Variants in CGNL1 observed in about 807,000 individuals in gnomAD.
CGNL1 encodes the protein cingulin like 1.
Under a neutral mutation model 141.2 loss-of-function variants are expected in CGNL1, and 132 were observed. The ratio of observed to expected loss-of-function variants is 0.93; its 90% CI spans 0.81 to 1.08. The LOEUF is 1.08. CGNL1 is among the 50% of genes least tolerant of loss of function. The probability of loss-of-function intolerance (pLI) is 0.00; values close to 1 mark genes in which losing one functional copy is unlikely to be tolerated. For synonymous variants in CGNL1, 690 were observed against 622.1 expected, an observed-to-expected ratio of 1.11 and a Z score of -1.63; for missense variants, 1,870 against 1,588.6, an observed-to-expected ratio of 1.18 and a Z score of -3.01.
intron 1 of CGNL1, among the ~76,000 whole-genome samples, chr15:57,393,226 C>T (rs1401224426): frequency 3.3e-5 from 5 of 152,114 alleles, no homozygotes; most frequent in Admixed American, 6.6e-5. Context: ...AACTTTTGTA[C>T]CCTTGGGTTT....
chr15:57,528,293 C>G (rs1338616048), intron 12 of CGNL1, among the ~76,000 whole-genome samples: 1 of 152,020 alleles, frequency 6.6e-6, no homozygotes, highest in Non-Finnish European at 1.5e-5. Context: ...ATCTTGCAAC[C>G]CAGGAATACA....
intron 14 of CGNL1, among the ~76,000 whole-genome samples, chr15:57,533,997 C>A (rs62000315): frequency 6.6e-6 from 1 of 151,994 alleles, no homozygotes; most frequent in Admixed American, 6.5e-5. Flanking sequence ...GTCCCAGCCT[C>A]TCTGAGCTCA....
chr15:57,453,032 T>C (rs539081032), intron 6 of CGNL1, among the ~76,000 whole-genome samples: 23 of 152,254 alleles, frequency 1.5e-4, no homozygotes, highest in African/African-American at 5.1e-4. Context: ...TCAGAAAATA[T>C]AGGGTATAGT....
Position 57,514,747 on chromosome 15 carries a change from G to A in CGNL1, c.2404-2033G>A, listed in dbSNP as rs552467871. On this transcript the variant is annotated intron_variant, in intron 8 of 18. Coordinates refer to ENST00000281282, the MANE Select transcript of CGNL1 (RefSeq NM_032866.5). Reference sequence around the variant, plus strand: ...TTATAGTTTTAGATCCTACATTTGGGCCTATGATCCATTTTGAGTTAACTT... The same window carrying A: ...TTATAGTTTTAGATCCTACATTTGGACCTATGATCCATTTTGAGTTAACTT... Among the ~76,000 whole-genome samples, 4 of 152,032 alleles carry A rather than the reference G, an allele frequency of 2.6e-5. 1 individual carries two copies. The South Asian group carries it at 6.2e-4, about 24-fold the overall frequency.
At chr15:57,419,974 C>T (rs2062895143) in intron 1 of CGNL1, among the ~76,000 whole-genome samples, 1 of 152,168 alleles carries the variant, frequency 6.6e-6, no homozygotes, top group South Asian at 2.1e-4. Context: ...AGTGTGGATT[C>T]ATGGATATTT....
At chr15:57,383,417 G>T (rs905637898) in intron 1 of CGNL1, among the ~76,000 whole-genome samples, 2 of 150,416 alleles carry the variant, frequency 1.3e-5, no homozygotes, top group Non-Finnish European at 2.9e-5. Flanking sequence ...TCCTGCCTCA[G>T]CCTACTGAGT....
intron 14 of CGNL1, among the ~76,000 whole-genome samples, chr15:57,542,151 A>G (rs1208812909): frequency 6.6e-6 from 1 of 152,200 alleles, no homozygotes; most frequent in Non-Finnish European, 1.5e-5. Context: ...CATGGGGGAC[A>G]GTGAGGAAGG....
chr15:57,512,806 A>T (rs2030432014), intron 8 of CGNL1, among the ~76,000 whole-genome samples: 1 of 152,120 alleles, frequency 6.6e-6, no homozygotes, highest in Admixed American at 6.5e-5. Flanking sequence ...TCTTTGCTTT[A>T]CTGAAAGCTT....
At position 57,523,552 on chromosome 15, in the gene CGNL1, G is replaced by T. The variant is rs1180503082; in HGVS notation, c.2779G>T (p.Glu927Ter). The change falls in exon 11 of 19, where the codon GAG becomes TAG. Residue 927 changes from glutamate (E) to a stop codon, truncating the protein, a stop_gained. Coordinates refer to ENST00000281282, the MANE Select transcript of CGNL1 (RefSeq NM_032866.5). LOFTEE classifies it high-confidence loss of function. ...GTCTGAGAAGCTCAAAGAGGAGAGT[G>T]AGCAGAAGGAGCAGCTAAGAAGGTT... Reference protein sequence around the residue: ...QLSEKLKEESEQKEQLRRLKN... With the variant: ...QLSEKLKEES 1 of 1,614,192 alleles carries T rather than the reference G, an allele frequency of 6.2e-7. No individual in the cohort carries two copies. Among genetic ancestry groups the T allele is most frequent in the Non-Finnish European group, 8.5e-7 (1 of 1,180,010 alleles).
rs996251695 is a variant in CGNL1 at position 57,465,695 on chromosome 15, A to G, written c.2403+3803A>G. On this transcript the variant is annotated intron_variant, in intron 8 of 18. Coordinates refer to ENST00000281282, the MANE Select transcript of CGNL1 (RefSeq NM_032866.5). ...TTTAAGAAATTTTATTGCATTAAAAAGTTTATTACTTCAATAGGTCTTATG... is the reference window on the plus strand; with the variant it reads ...TTTAAGAAATTTTATTGCATTAAAAGGTTTATTACTTCAATAGGTCTTATG... Among the ~76,000 whole-genome samples the G allele has an allele frequency of 7.9e-5, 12 of 152,288 alleles. No individual in the cohort carries two copies. In the South Asian group the frequency reaches 1.7e-3, roughly 21 times the overall value.
chr15:57,475,492 GGTGT>G (rs72168222), intron 8 of CGNL1, among the ~76,000 whole-genome samples: 10,012 of 147,750 alleles, frequency 0.068, 356 homozygotes, highest in South Asian at 0.11. Context: ...ATACAAGTGT[GGTGT>G]GTGTGTGTGT....
At chr15:57,396,626 CA>C (rs1271363366) in intron 1 of CGNL1, among the ~76,000 whole-genome samples, 1 of 152,102 alleles carries the variant, frequency 6.6e-6, no homozygotes, top group Non-Finnish European at 1.5e-5. Context: ...TCTTTGAGTA[CA>C]TTTCTAGGTC....
intron 4 of CGNL1, among the ~76,000 whole-genome samples, chr15:57,448,291 G>C (rs1381036056): frequency 6.6e-6 from 1 of 151,748 alleles, no homozygotes; most frequent in Admixed American, 6.6e-5. Flanking sequence ...TTCAGATATT[G>C]TGTACTGCTG....
intron 8 of CGNL1, among the ~76,000 whole-genome samples, chr15:57,471,481 C>A (rs1451059575): frequency 2.6e-5 from 4 of 152,190 alleles, no homozygotes; most frequent in African/African-American, 9.7e-5. Flanking sequence ...GGGCTGATAC[C>A]CAGGGCACCT....
chr15:57,501,467 G>T (rs1384607998), intron 8 of CGNL1, among the ~76,000 whole-genome samples: 2 of 152,222 alleles, frequency 1.3e-5, no homozygotes, highest in Non-Finnish European at 2.9e-5. Flanking sequence ...CTGTCCTCAG[G>T]GGGTGCAACC....
At chr15:57,413,678 A>T (rs1447269362) in intron 1 of CGNL1, among the ~76,000 whole-genome samples, 2 of 152,266 alleles carry the variant, frequency 1.3e-5, no homozygotes, top group African/African-American at 4.8e-5. Flanking sequence ...TTAGAAGATA[A>T]GCATAGCTAA....
At chr15:57,391,895 C>T (rs1428427270) in intron 1 of CGNL1, among the ~76,000 whole-genome samples, 1 of 151,914 alleles carries the variant, frequency 6.6e-6, no homozygotes, top group African/African-American at 2.4e-5. Flanking sequence ...GAGGAAAGAA[C>T]AGAAAAGATG....
chr15:57,525,688 A>G (rs183432952), intron 12 of CGNL1, among the ~76,000 whole-genome samples: 1 of 152,202 alleles, frequency 6.6e-6, no homozygotes, highest in Admixed American at 6.5e-5. Context: ...ACAAACTTTA[A>G]TTTCTTTGAT....
intron 1 of CGNL1, among the ~76,000 whole-genome samples, chr15:57,384,569 G>A (rs867735254): frequency 1.3e-5 from 2 of 152,098 alleles, no homozygotes; most frequent in Non-Finnish European, 2.9e-5. Flanking sequence ...ACTCACCCAC[G>A]TATTTCTTCA....
Sources: allele counts gnomAD v4.1 joint callset (sites outside exome capture counted in the v4.1 genomes callset), GRCh38; gene constraint gnomAD v4.1.1; transcripts MANE v1.5; gene names NCBI Gene and HGNC (gene_info 2026-07-23, HGNC 2026-07-21).